PTPRD: variants seen among roughly 807,000 people sequenced by gnomAD.
The protein encoded by PTPRD is protein tyrosine phosphatase receptor type D.
A neutral mutation model predicts 214.5 loss-of-function variants in PTPRD; 34 were observed. The observed-to-expected ratio is 0.16, with a 90% CI of 0.12 to 0.21. The LOEUF (loss-of-function observed/expected upper bound fraction) is 0.21. Ranked by LOEUF, PTPRD falls within the 10% of genes least tolerant of loss-of-function variation. The probability of loss-of-function intolerance (pLI) is 1.00; values close to 1 mark genes in which losing one functional copy is unlikely to be tolerated. For synonymous variants in PTPRD, 1,128 were observed against 845.7 expected, an observed-to-expected ratio of 1.33 and a Z score of -5.79; for missense variants, 2,545 against 2,398.7, an observed-to-expected ratio of 1.06 and a Z score of -1.27.
In PTPRD at chr9:9,115,628, G is replaced by C. The variant is rs74461964; in HGVS notation, c.-143+67676C>G. On this transcript the variant is annotated intron_variant, in intron 10 of 45. Coordinates refer to ENST00000381196, the MANE Select transcript of PTPRD (RefSeq NM_002839.4). ...TTCAATCTAGCAATCCCACTGGTAT[G>C]TATCTACCCAAAAGAAAATAACTCA... 7.5e-3 allele frequency among the ~76,000 whole-genome samples: 1,147 copies of C among 152,228 alleles called. 15 individuals carry two copies. Among genetic ancestry groups the C allele is most frequent in the African/African-American group, 0.026 (1,086 of 41,550 alleles).
intron 2 of PTPRD, among the ~76,000 whole-genome samples, chr9:10,359,090 A>G (rs1041667014): frequency 6.6e-6 from 1 of 152,028 alleles, no homozygotes; most frequent in Non-Finnish European, 1.5e-5. Context: ...AACGGTACCA[A>G]TGCAAAAGGA....
At position 8,733,918 on chromosome 9, in the gene PTPRD, T is replaced by A; in HGVS notation, c.-75A>T. On this transcript the variant is annotated 5_prime_UTR_variant, in exon 12 of 46. Transcript: ENST00000381196. Reference sequence around the variant, plus strand: ...GGAGCCGCAGCGAGTCTGTCCGATCTGAAATTTCAGCTGGAACACTTTCAG... The same window carrying A: ...GGAGCCGCAGCGAGTCTGTCCGATCAGAAATTTCAGCTGGAACACTTTCAG... 4 of 1,449,522 alleles carry A rather than the reference T, an allele frequency of 2.8e-6. No homozygotes were observed. The highest frequency in any genetic ancestry group is 3.8e-6 in the Non-Finnish European group (4 of 1,063,156). 89.8% of individuals were successfully genotyped at this position (1,449,522 alleles called of 1,614,324 possible). A position where few individuals can be genotyped will look rare whatever the true frequency, so the allele number is the denominator to read the frequency against.
At chr9:9,848,422 T>C (rs1170746981) in intron 5 of PTPRD, among the ~76,000 whole-genome samples, 1 of 152,106 alleles carries the variant, frequency 6.6e-6, no homozygotes, top group Non-Finnish European at 1.5e-5. Context: ...TAGATGTGTA[T>C]AGAAAAGAAC....
chr9:10,595,655 T>C (rs990086406), intron 2 of PTPRD, among the ~76,000 whole-genome samples: 11 of 151,548 alleles, frequency 7.3e-5, no homozygotes, highest in Admixed American at 1.3e-4. Flanking sequence ...ATTATTATTA[T>C]ATATTTATAA....
At chr9:8,466,237 T>C (rs2096542238) in intron 31 of PTPRD, among the ~76,000 whole-genome samples, 1 of 151,924 alleles carries the variant, frequency 6.6e-6, no homozygotes, top group Non-Finnish European at 1.5e-5. Context: ...TTGTTACTCA[T>C]TTACCAATTT....
chr9:10,168,737 ACTTTTT>A (rs2099176272), intron 3 of PTPRD, among the ~76,000 whole-genome samples: 1 of 152,240 alleles, frequency 6.6e-6, no homozygotes. Context: ...GTTTAAATTT[ACTTTTT>A]CTTTGAGTAT....
At chr9:9,608,655 A>G (rs994763086) in intron 7 of PTPRD, among the ~76,000 whole-genome samples, 1 of 152,128 alleles carries the variant, frequency 6.6e-6, no homozygotes, top group African/African-American at 2.4e-5. Flanking sequence ...CTGGCATAGA[A>G]TCCTTACAAT....
At chr9:9,275,755 G>C (rs567666668) in intron 9 of PTPRD, among the ~76,000 whole-genome samples, 1 of 151,258 alleles carries the variant, frequency 6.6e-6, no homozygotes, top group East Asian at 2.0e-4. Flanking sequence ...AATTAGTGCA[G>C]GCACTCATTA....
At chr9:8,419,190 C>A (rs181331508) in intron 35 of PTPRD, among the ~76,000 whole-genome samples, 13 of 147,238 alleles carry the variant, frequency 8.8e-5, no homozygotes, top group African/African-American at 3.3e-4. Flanking sequence ...CATCTCACTG[C>A]ACTCCAGTCT....
chr9:9,849,937 A>C (rs1379824649), intron 5 of PTPRD, among the ~76,000 whole-genome samples: 2 of 152,158 alleles, frequency 1.3e-5, no homozygotes, highest in African/African-American at 4.8e-5. Context: ...CTGTTAACTC[A>C]GCTCCTAGTT....
chr9:10,138,157 G>T (rs78790764), intron 3 of PTPRD, among the ~76,000 whole-genome samples: 10 of 151,852 alleles, frequency 6.6e-5, no homozygotes, highest in African/African-American at 2.4e-4. Flanking sequence ...TAAACAAAGA[G>T]AAAAGAGATA....
chr9:9,474,475 A>T (rs906214943), intron 8 of PTPRD, among the ~76,000 whole-genome samples: 3 of 152,192 alleles, frequency 2.0e-5, no homozygotes, highest in Non-Finnish European at 4.4e-5. Context: ...AATTTCAGTG[A>T]AGAATTCCAT....
At chr9:9,663,776 A>G (rs1029494944) in intron 7 of PTPRD, among the ~76,000 whole-genome samples, 31 of 151,662 alleles carry the variant, frequency 2.0e-4, no homozygotes, top group African/African-American at 7.5e-4. Context: ...ATATATGTAT[A>G]TAATATATGG....
intron 3 of PTPRD, among the ~76,000 whole-genome samples, chr9:10,114,530 C>A (rs1470988519): frequency 6.6e-6 from 1 of 151,968 alleles, no homozygotes; most frequent in African/African-American, 2.4e-5. Context: ...GAATTTTATT[C>A]TCATAAACTT....
chr9:8,658,103 G>A (rs186892055), intron 12 of PTPRD, among the ~76,000 whole-genome samples: 6 of 152,260 alleles, frequency 3.9e-5, no homozygotes, highest in Non-Finnish European at 7.4e-5. Flanking sequence ...TGCAGAAAAT[G>A]TAGAAGTTAA....
At chr9:8,331,915 T>G (rs1841657157) in intron 43 of PTPRD, among the ~76,000 whole-genome samples, 179 bp from the exon 44 acceptor site, 1 of 151,420 alleles carries the variant, frequency 6.6e-6, no homozygotes, top group South Asian at 2.1e-4. Flanking sequence ...TTGTCCACAC[T>G]CACATACCTT....
At chr9:10,144,327 A>C (rs72696918) in intron 3 of PTPRD, among the ~76,000 whole-genome samples, 7,856 of 152,140 alleles carry the variant, frequency 0.052, 300 homozygotes, top group Admixed American at 0.1. Context: ...GGCTGGACTT[A>C]GTAAAATAAT....
chr9:8,322,197 C>T (rs375171378), intron 44 of PTPRD, among the ~76,000 whole-genome samples: 8 of 151,862 alleles, frequency 5.3e-5, no homozygotes, highest in African/African-American at 1.4e-4. Flanking sequence ...ACAACAATAT[C>T]GAAATTAGGC....
intron 8 of PTPRD, among the ~76,000 whole-genome samples, chr9:9,432,489 G>C (rs1194399342): frequency 6.6e-6 from 1 of 152,090 alleles, no homozygotes; most frequent in Non-Finnish European, 1.5e-5. Context: ...TTTAAAAAAG[G>C]GCAATATTGA....
Sources: allele counts gnomAD v4.1 joint callset (sites outside exome capture counted in the v4.1 genomes callset), GRCh38; gene constraint gnomAD v4.1.1; transcripts MANE v1.5; gene names NCBI Gene and HGNC (gene_info 2026-07-23, HGNC 2026-07-21).